The following DRC4 variants were observed in gnomAD, a reference collection of about 807,000 sequenced individuals.
DRC4 encodes GAS-11.
the DRC4 span, among the ~76,000 whole-genome samples, chr16:90,020,371 G>C: frequency 7.6e-4 from 116 of 152,188 alleles, no homozygotes; most frequent in African/African-American, 2.6e-3. Context: ...TGTTAACCCA[G>C]CATCCAGGCC....
the DRC4 span, chr16:90,044,552 C>T: frequency 1.3e-5 from 6 of 471,138 alleles, no homozygotes; most frequent in Non-Finnish European, 2.6e-5. Flanking sequence ...CAGTAGCCCT[C>T]AGTGTCGAAG....
At chr16:90,042,492 G>A in the DRC4 span, 31 of 1,613,718 alleles carry the variant, frequency 1.9e-5, no homozygotes, top group Admixed American at 3.3e-4. Context: ...TCGAAGAACA[G>A]CACCATCAAG....
the DRC4 span, among the ~76,000 whole-genome samples, chr16:90,022,891 G>T: frequency 6.6e-6 from 1 of 152,172 alleles, no homozygotes; most frequent in Non-Finnish European, 1.5e-5. Context: ...GCAAACTCAG[G>T]ATGCTCCCGG....
chr16:90,036,592 G>A, the DRC4 span: 1 of 1,565,670 alleles, frequency 6.4e-7, no homozygotes, highest in Non-Finnish European at 8.7e-7. Context: ...TCAAGGTGCT[G>A]TGCGTGGGCT....
the DRC4 span, chr16:90,043,468 A>C: frequency 3.0e-6 from 3 of 992,216 alleles, no homozygotes; most frequent in South Asian, 1.7e-5. Context: ...AGCTTTTCAC[A>C]TGTTCTTGCC....
At chr16:90,031,603 G>C in the DRC4 span, 8 of 1,223,676 alleles carry the variant, frequency 6.5e-6, 1 homozygote, top group South Asian at 1.1e-4. Context: ...GGCTTTGGGA[G>C]TCACAGCCTT....
the DRC4 span, chr16:90,028,895 G>C: frequency 8.0e-7 from 1 of 1,247,652 alleles, no homozygotes; most frequent in East Asian, 5.6e-5. Flanking sequence ...GAGCTAGGCA[G>C]AGGTCCTTGA....
chr16:90,028,403 T>C, the DRC4 span, among the ~76,000 whole-genome samples: 1 of 151,732 alleles, frequency 6.6e-6, no homozygotes, highest in East Asian at 1.9e-4. Context: ...TTAGCCAGGA[T>C]GGTCTCGATC....
chr16:90,029,145 G>A, the DRC4 span: 2 of 1,340,360 alleles, frequency 1.5e-6, no homozygotes, highest in Admixed American at 2.1e-5. Context: ...AGCCTACGGG[G>A]CAGCCTACGG....
the DRC4 span, among the ~76,000 whole-genome samples, chr16:90,023,133 T>G: frequency 1.3e-5 from 2 of 152,144 alleles, no homozygotes; most frequent in South Asian, 4.1e-4. Context: ...CCCCATGGAA[T>G]AGAGCCGGAG....
the DRC4 span, chr16:90,022,746 G>T: frequency 2.1e-6 from 3 of 1,397,880 alleles, no homozygotes; most frequent in Non-Finnish European, 2.8e-6. Flanking sequence ...CGGGAGCGGG[G>T]CTGGGGTCCT....
the DRC4 span, chr16:90,043,298 C>G: frequency 1.2e-6 from 2 of 1,613,216 alleles, no homozygotes; most frequent in South Asian, 2.2e-5. Flanking sequence ...TGTGATCGGA[C>G]AGACACTGGG....
the DRC4 span, chr16:90,044,167 G>A: frequency 7.0e-5 from 32 of 454,920 alleles, no homozygotes; most frequent in Non-Finnish European, 1.1e-4. Flanking sequence ...CTTCTGCGGC[G>A]GCTCCAGTGT....
At chr16:90,030,786 A>C in the DRC4 span, among the ~76,000 whole-genome samples, 2 of 151,054 alleles carry the variant, frequency 1.3e-5, no homozygotes, top group South Asian at 2.1e-4. Flanking sequence ...CTAGTTAATG[A>C]AAAAAAGTTT....
the DRC4 span, chr16:90,035,699 G>C: frequency 6.2e-7 from 1 of 1,614,154 alleles, no homozygotes; most frequent in South Asian, 1.1e-5. Context: ...TCAGTTTCCC[G>C]TGTGCTCATT....
At chr16:90,029,565 G>A in the DRC4 span, 11 of 309,184 alleles carry the variant, frequency 3.6e-5, no homozygotes, top group Non-Finnish European at 5.9e-5. Context: ...TCGTTGTGCC[G>A]AGGCACTGGT....
the DRC4 span, chr16:90,022,669 CG>C: frequency 2.1e-6 from 3 of 1,413,492 alleles, no homozygotes; most frequent in East Asian, 6.0e-5. Flanking sequence ...GCGTGGCTTC[CG>C]GGGGCGGGCG....
At chr16:90,032,434 G>A in the DRC4 span, among the ~76,000 whole-genome samples, 1 of 151,270 alleles carries the variant, frequency 6.6e-6, no homozygotes, top group Non-Finnish European at 1.5e-5. Context: ...GGGTGACCAG[G>A]TGTGTACAGG....
chr16:90,036,325 G>A, the DRC4 span: 1 of 1,477,390 alleles, frequency 6.8e-7, no homozygotes, highest in Non-Finnish European at 9.3e-7. Context: ...ATGTTCTGTA[G>A]CCGTAGGGGC....
Sources: gnomAD v4.1 joint callset for allele counts (sites outside exome capture counted in the v4.1 genomes callset) on GRCh38, gnomAD v4.1.1 for gene constraint, MANE v1.5 for transcripts, NCBI Gene and HGNC (gene_info 2026-07-23, HGNC 2026-07-21) for gene names.